Variants in CNTN5 observed in about 807,000 individuals in gnomAD.
CNTN5 encodes contactin-5.
CNTN5 carries 77 observed loss-of-function variants against 129.1 expected under a neutral mutation model. The observed-to-expected ratio is 0.60, with a 90% CI of 0.50 to 0.72. The LOEUF is 0.72. Among genes scored for constraint, CNTN5 ranks in the 30% least tolerant of loss-of-function variants. The pLI, the probability that CNTN5 is intolerant of heterozygous loss-of-function variation, is 0.00. For synonymous variants in CNTN5, 509 were observed against 465.6 expected (o/e 1.09, Z -1.20); for missense variants, 1,478 against 1,328.8 (o/e 1.11, Z -1.75).
At chr11:99,314,531 T>C (rs1466927592) in intron 1 of CNTN5, among the ~76,000 whole-genome samples, 3 of 152,056 alleles carry the variant, frequency 2.0e-5, no homozygotes, top group Admixed American at 2.0e-4. Flanking sequence ...GAGATTTTAC[T>C]GTCTAGACAA....
chr11:99,934,836 C>G (rs1396889104), intron 7 of CNTN5, among the ~76,000 whole-genome samples: 1 of 149,342 alleles, frequency 6.7e-6, no homozygotes. Context: ...GATCGCACCA[C>G]TGCACTCCAG....
intron 15 of CNTN5, among the ~76,000 whole-genome samples, chr11:100,223,194 C>A (rs1949301634): frequency 1.3e-5 from 2 of 152,112 alleles, no homozygotes; most frequent in South Asian, 2.1e-4. Context: ...TTAATGCATT[C>A]TCACTATGAA....
chr11:99,337,258 G>A (rs1017356589), intron 2 of CNTN5, among the ~76,000 whole-genome samples: 8 of 152,076 alleles, frequency 5.3e-5, no homozygotes, highest in African/African-American at 1.4e-4. Flanking sequence ...CAGCTCGGTC[G>A]GGGAGACCCT....
At chr11:99,368,779 G>A (rs1204218786) in intron 2 of CNTN5, among the ~76,000 whole-genome samples, 2 of 152,096 alleles carry the variant, frequency 1.3e-5, no homozygotes, top group Non-Finnish European at 2.9e-5. Context: ...AAAGCAAATA[G>A]TGCACCAGAC....
intron 3 of CNTN5, among the ~76,000 whole-genome samples, chr11:99,717,193 G>T (rs1955275188): frequency 6.6e-6 from 1 of 152,002 alleles, no homozygotes; most frequent in South Asian, 2.1e-4. Context: ...TGTAGTATTT[G>T]TAGTTTCATT....
intron 2 of CNTN5, among the ~76,000 whole-genome samples, chr11:99,377,580 C>A (rs956620176): frequency 6.6e-6 from 1 of 152,024 alleles, no homozygotes; most frequent in African/African-American, 2.4e-5. Flanking sequence ...TTGGTTTCAT[C>A]ATTTAGACTT....
intron 1 of CNTN5, among the ~76,000 whole-genome samples, chr11:99,322,789 T>A (rs1224655113): frequency 1.3e-5 from 2 of 151,936 alleles, no homozygotes; most frequent in Non-Finnish European, 2.9e-5. Flanking sequence ...ATAGAGGGAG[T>A]TATGATTGTA....
intron 1 of CNTN5, among the ~76,000 whole-genome samples, chr11:99,212,448 T>C (rs1859851824): frequency 6.6e-6 from 1 of 152,180 alleles, no homozygotes; most frequent in Non-Finnish European, 1.5e-5. Context: ...ACCTACACTT[T>C]CCTTGCACGT....
At chr11:99,715,258 G>A (rs1382551296) in intron 3 of CNTN5, among the ~76,000 whole-genome samples, 1 of 151,700 alleles carries the variant, frequency 6.6e-6, no homozygotes, top group African/African-American at 2.4e-5. Flanking sequence ...GTCTGTAGTG[G>A]GAGAACTTAT....
At chr11:99,577,651 A>G (rs1949400980) in intron 3 of CNTN5, among the ~76,000 whole-genome samples, 1 of 152,104 alleles carries the variant, frequency 6.6e-6, no homozygotes, top group Admixed American at 6.5e-5. Flanking sequence ...AATAAAATAA[A>G]AAATACAGTG....
intron 21 of CNTN5, among the ~76,000 whole-genome samples, chr11:100,310,512 A>G (rs1483733943): frequency 2.0e-5 from 3 of 151,946 alleles, no homozygotes; most frequent in African/African-American, 7.2e-5. Context: ...AGTACCAGAC[A>G]ATGAGCTAAA....
intron 1 of CNTN5, among the ~76,000 whole-genome samples, chr11:99,124,497 G>A (rs901509626): frequency 5.9e-5 from 9 of 151,758 alleles, no homozygotes; most frequent in African/African-American, 9.7e-5. Flanking sequence ...AGCACTAAAC[G>A]CCCACATTAA....
At chr11:100,191,375 A>C (rs1001406811) in intron 14 of CNTN5, 122 bp downstream of exon 14, 1 of 710,614 alleles carries the variant, frequency 1.4e-6, no homozygotes, top group Non-Finnish European at 2.0e-6. Flanking sequence ...TGTTTATAAA[A>C]TACATTGCAA....
intron 7 of CNTN5, among the ~76,000 whole-genome samples, chr11:99,948,025 A>G (rs926606635): frequency 6.6e-6 from 1 of 152,224 alleles, no homozygotes; most frequent in Non-Finnish European, 1.5e-5. Context: ...AGTAAAACAC[A>G]GGAATATAAG....
At chr11:99,313,649 A>G (rs535484502) in intron 1 of CNTN5, among the ~76,000 whole-genome samples, 26 of 152,198 alleles carry the variant, frequency 1.7e-4, no homozygotes, top group African/African-American at 5.5e-4. Context: ...ATTTCAAGGA[A>G]TATTTTGTCT....
intron 21 of CNTN5, chr11:100,337,313 G>GGTGA: frequency 1.0e-6 from 1 of 979,056 alleles, no homozygotes; most frequent in Non-Finnish European, 1.7e-6. Context: ...GGATATGAAT[G>GGTGA]AGTTCACCAT....
intron 4 of CNTN5, among the ~76,000 whole-genome samples, chr11:99,830,050 T>G (rs1219996687): frequency 6.6e-6 from 1 of 152,092 alleles, no homozygotes; most frequent in East Asian, 1.9e-4. Flanking sequence ...ATGGTTAGGT[T>G]AAGATATTTT....
chr11:100,108,638 G>A (rs1945538538), intron 13 of CNTN5, among the ~76,000 whole-genome samples: 1 of 152,038 alleles, frequency 6.6e-6, no homozygotes, highest in Non-Finnish European at 1.5e-5. Flanking sequence ...CATTATATAT[G>A]TTCTCATACA....
rs11222515 is a variant in CNTN5, at chr11:100,046,820, T to A, written c.981-14392T>A. Among the ~76,000 whole-genome samples the A allele has an allele frequency of 4.9e-3, 740 of 152,308 alleles. 5 individuals carry two copies. The highest frequency in any genetic ancestry group is 0.017 in the African/African-American group (707 of 41,574). ...AATATATGGAACAGTTGTTGTCATA[T>A]ATTGGATAACAGGCATTGCAGGAAT... On this transcript the variant is annotated intron_variant, in intron 9 of 24. Transcript: ENST00000524871.
Sources: allele counts gnomAD v4.1 joint callset (sites outside exome capture counted in the v4.1 genomes callset), GRCh38; gene constraint gnomAD v4.1.1; transcripts MANE v1.5; gene names NCBI Gene and HGNC (gene_info 2026-07-23, HGNC 2026-07-21).